Variants in KCNQ5 observed in about 807,000 individuals in gnomAD.
KCNQ5 encodes the protein potassium voltage-gated channel subfamily Q member 5, also known as potassium voltage-gated channel subfamily KQT member 5.
Under a neutral mutation model 98.2 loss-of-function variants are expected in KCNQ5, and 30 were observed. The observed-to-expected ratio is 0.31, with a 90% CI of 0.23 to 0.41. The LOEUF is 0.41. Among genes scored for constraint, KCNQ5 ranks in the 10% least tolerant of loss-of-function variants. The pLI, the probability that KCNQ5 is intolerant of heterozygous loss-of-function variation, is 1.00. For missense variants in KCNQ5, 835 were observed against 1,182.5 expected, an observed-to-expected ratio of 0.71 and a Z score of 4.31; for synonymous variants, 458 against 449.4, an observed-to-expected ratio of 1.02 and a Z score of -0.24.
chr6:73,127,711 G>A (rs757618105), intron 9 of KCNQ5, among the ~76,000 whole-genome samples: 1 of 152,122 alleles, frequency 6.6e-6, no homozygotes, highest in Non-Finnish European at 1.5e-5. Flanking sequence ...ATTTGCCTAC[G>A]ATGTCTTGGG....
intron 2 of KCNQ5, 129 bp downstream of exon 2, chr6:73,004,127 A>G: frequency 3.5e-6 from 2 of 570,452 alleles, no homozygotes; most frequent in East Asian, 5.5e-5. Flanking sequence ...TAAAAATGTC[A>G]AAGATTACTG....
chr6:72,730,423 C>T (rs903406496), intron 1 of KCNQ5, among the ~76,000 whole-genome samples: 3 of 152,042 alleles, frequency 2.0e-5, no homozygotes, highest in Non-Finnish European at 4.4e-5. Flanking sequence ...AAAGAATTCT[C>T]CTGTACATTT....
chr6:73,157,486 G>A (rs1777411857), intron 10 of KCNQ5: 2 of 702,374 alleles, frequency 2.8e-6, no homozygotes, highest in African/African-American at 1.8e-5. Context: ...CAGATTCCCA[G>A]AACCAACTCC....
chr6:73,052,233 G>A (rs562695756), intron 3 of KCNQ5, among the ~76,000 whole-genome samples: 30 of 152,294 alleles, frequency 2.0e-4, no homozygotes, highest in African/African-American at 6.5e-4. Context: ...CAAAGTATGG[G>A]ATTATGTAAA....
intron 1 of KCNQ5, among the ~76,000 whole-genome samples, chr6:72,697,575 A>T (rs1441592160): frequency 6.6e-6 from 1 of 152,248 alleles, no homozygotes; most frequent in Non-Finnish European, 1.5e-5. Flanking sequence ...AAATTAGGAT[A>T]TAATTCCTTA....
intron 2 of KCNQ5, among the ~76,000 whole-genome samples, chr6:73,032,458 G>T (rs1048152989): frequency 1.4e-4 from 21 of 152,084 alleles, no homozygotes; most frequent in African/African-American, 5.1e-4. Flanking sequence ...ATGAACCACT[G>T]CTCCCAGCCT....
intron 1 of KCNQ5, among the ~76,000 whole-genome samples, chr6:72,643,247 C>T (rs1023268722): frequency 5.9e-5 from 9 of 152,076 alleles, no homozygotes; most frequent in Non-Finnish European, 1.5e-5. Context: ...TGCACATGTA[C>T]CCCTGAACTT....
intron 1 of KCNQ5, among the ~76,000 whole-genome samples, chr6:72,793,939 C>T (rs578255873): frequency 6.6e-6 from 1 of 152,168 alleles, no homozygotes; most frequent in Non-Finnish European, 1.5e-5. Context: ...ATTCGGAGAT[C>T]AGAGAATGAG....
intron 9 of KCNQ5, 21 bp from the exon 10 acceptor site, chr6:73,133,400 T>C (rs1776319046): frequency 6.2e-7 from 1 of 1,607,004 alleles, no homozygotes; most frequent in African/African-American, 1.3e-5. Context: ...AATGGAATAA[T>C]CATGCCTCTG....
At chr6:72,913,134 A>C (rs1439296769) in intron 1 of KCNQ5, among the ~76,000 whole-genome samples, 1 of 152,172 alleles carries the variant, frequency 6.6e-6, no homozygotes, top group East Asian at 1.9e-4. Context: ...ATTTAGATAA[A>C]AATAATAACT....
At chr6:72,818,969 A>T (rs2150111638) in intron 1 of KCNQ5, among the ~76,000 whole-genome samples, 1 of 152,010 alleles carries the variant, frequency 6.6e-6, no homozygotes, top group South Asian at 2.1e-4. Flanking sequence ...GCTCTGAAAA[A>T]AGAGTTAATG....
At chr6:72,788,286 T>G (rs1773863733) in intron 1 of KCNQ5, among the ~76,000 whole-genome samples, 1 of 152,252 alleles carries the variant, frequency 6.6e-6, no homozygotes, top group East Asian at 1.9e-4. Context: ...AAATCCTGAC[T>G]CTGCTACTTT....
intron 1 of KCNQ5, among the ~76,000 whole-genome samples, chr6:72,816,241 G>A (rs949898644): frequency 2.6e-5 from 4 of 152,140 alleles, no homozygotes; most frequent in African/African-American, 9.7e-5. Context: ...TGACCTTTCA[G>A]GAAAGTAGAA....
At chr6:73,038,967 G>A (rs547241285) in intron 2 of KCNQ5, among the ~76,000 whole-genome samples, 1 of 152,158 alleles carries the variant, frequency 6.6e-6, no homozygotes, top group African/African-American at 2.4e-5. Context: ...GAAACCATTT[G>A]ACCTGGACAT....
At chr6:73,050,317 AAGAAG>A in intron 3 of KCNQ5, among the ~76,000 whole-genome samples, 1 of 117,816 alleles carries the variant, frequency 8.5e-6, no homozygotes, top group South Asian at 3.2e-4. Flanking sequence ...GAAGGGAGGG[AAGAAG>A]GAAGGAAGGG....
At chr6:73,084,635 G>T (rs889789349) in intron 5 of KCNQ5, among the ~76,000 whole-genome samples, 19 of 152,208 alleles carry the variant, frequency 1.2e-4, no homozygotes, top group Non-Finnish European at 2.1e-4. Flanking sequence ...CGAACTGACT[G>T]CCTCATCACC....
intron 8 of KCNQ5, among the ~76,000 whole-genome samples, chr6:73,123,936 A>G (rs1775845376): frequency 6.6e-6 from 1 of 152,222 alleles, no homozygotes; most frequent in Non-Finnish European, 1.5e-5. Flanking sequence ...ACATTTGCTA[A>G]AATGAGTTAT....
At chr6:72,797,150 T>C (rs1774380718) in intron 1 of KCNQ5, among the ~76,000 whole-genome samples, 1 of 152,206 alleles carries the variant, frequency 6.6e-6, no homozygotes, top group South Asian at 2.1e-4. Flanking sequence ...ATTTATTCAC[T>C]ATTCCCGTTA....
intron 2 of KCNQ5, among the ~76,000 whole-genome samples, chr6:73,006,383 G>C (rs1263496372): frequency 7.1e-6 from 1 of 140,014 alleles, no homozygotes; most frequent in Non-Finnish European, 1.5e-5. Flanking sequence ...CAGGCACAGT[G>C]ACTCATGCAT....
Sources: gnomAD v4.1 joint callset for allele counts (sites outside exome capture counted in the v4.1 genomes callset) on GRCh38, gnomAD v4.1.1 for gene constraint, MANE v1.5 for transcripts, NCBI Gene and HGNC (gene_info 2026-07-23, HGNC 2026-07-21) for gene names.